CFAP99: variants seen among roughly 807,000 people sequenced by gnomAD.
CFAP99 encodes the protein cilia- and flagella-associated protein 99.
In CFAP99, 84 loss-of-function variants were observed where a neutral mutation model predicts 82.7. The observed-to-expected ratio is 1.02, with a 90% CI of 0.85 to 1.22. The LOEUF (loss-of-function observed/expected upper bound fraction) is 1.22. CFAP99 is among the 50% of genes most tolerant of loss of function. CFAP99 has a pLI of 0.00. For missense variants in CFAP99, 1,059 were observed against 983.5 expected (o/e 1.08, Z -1.03); for synonymous variants, 456 against 429.5 (o/e 1.06, Z -0.76).
chr4:2,430,794 C>T (rs1277975450), intron 2 of CFAP99, among the ~76,000 whole-genome samples: 1 of 152,132 alleles, frequency 6.6e-6, no homozygotes, highest in Non-Finnish European at 1.5e-5. Context: ...AAAAATGAGC[C>T]AGGCATGGTG....
Position 2,462,767 on chromosome 4 carries a change from T to TG in CFAP99, c.1991dup (p.Val665ArgfsTer?), listed in dbSNP as rs1432295052. The TG allele has an allele frequency of 1.6e-6, 2 of 1,253,486 alleles. No homozygotes were observed. Among genetic ancestry groups the TG allele is most frequent in the South Asian group, 5.3e-5 (2 of 37,930 alleles). 77.6% of individuals were successfully genotyped at this position (1,253,486 alleles called of 1,614,324 possible). A position where few individuals can be genotyped will look rare whatever the true frequency, so the allele number is the denominator to read the frequency against. Reference sequence around the variant, plus strand: ...ACGCAGCGGCGGGCGCGGGAGGCGGTGGGGGCGTCCCTGCCCGCGCCGACG... The same window carrying TG: ...ACGCAGCGGCGGGCGCGGGAGGCGGTGGGGGGCGTCCCTGCCCGCGCCGACG... On this transcript the variant is annotated frameshift_variant, in exon 15 of 15. Transcript: ENST00000635017. LOFTEE classifies it low-confidence loss of function (END_TRUNC). The surrounding 1 kb of genome is among the most constrained non-coding windows in gnomAD (Gnocchi z 4.1).
intron 4 of CFAP99, among the ~76,000 whole-genome samples, chr4:2,442,126 G>T (rs1734056061): frequency 6.6e-6 from 1 of 152,184 alleles, no homozygotes; most frequent in Non-Finnish European, 1.5e-5. Flanking sequence ...GAGCACCCCA[G>T]CTGAGACGCT....
intron 1 of CFAP99, 91 bp from the exon 2 acceptor site, chr4:2,426,368 C>T: frequency 2.5e-6 from 2 of 803,214 alleles, no homozygotes; most frequent in Non-Finnish European, 4.1e-6. Context: ...GCTACAGGCC[C>T]AACACCCTGG....
In CFAP99 at chr4:2,458,828, G is replaced by A. The variant is rs1412284837; in HGVS notation, c.1267G>A (p.Ala423Thr). ...AGAGGGGCAGAAGAACGCCAAGGCG[G>A]CCCAGACGAAGCTCGCGAAGGGCCG... The change falls in exon 12 of 15, where the codon GCC (alanine) becomes ACC (threonine). Residue 423 changes from alanine to threonine, a missense_variant. Transcript: ENST00000635017. 1.0e-5 allele frequency: 16 copies of A among 1,535,830 alleles called. No individual in the cohort carries two copies. The highest frequency in any genetic ancestry group is 1.4e-5 in the Non-Finnish European group (16 of 1,146,840).
chr4:2,421,350 C>CTTTTTTTTTT (rs10632358), intron 1 of CFAP99, among the ~76,000 whole-genome samples: 16 of 96,978 alleles, frequency 1.6e-4, no homozygotes, highest in East Asian at 3.8e-4. Flanking sequence ...TCTGCCCACC[C>CTTTTTTTTTT]TTTTTTTTTT....
intron 6 of CFAP99, among the ~76,000 whole-genome samples, chr4:2,447,929 GTGGATGGATGGATGGATGGATGGATGGA>G (rs58535148): frequency 2.9e-5 from 4 of 139,860 alleles, no homozygotes; most frequent in South Asian, 4.8e-4. Flanking sequence ...GAATGGATGG[GTGGATGGATGGATGGATGGATGGATGGA>G]TGGATGGATG....
chr4:2,450,368 G>C (rs1390745383), intron 8 of CFAP99: 1 of 331,568 alleles, frequency 3.0e-6, no homozygotes, highest in African/African-American at 2.1e-5. Flanking sequence ...GACGACAGGA[G>C]AGACTGTGCC....
At chr4:2,451,239 CCA>C in intron 9 of CFAP99, 23 bp from the exon 10 acceptor site, 1 of 1,535,278 alleles carries the variant, frequency 6.5e-7, no homozygotes, top group South Asian at 1.2e-5. Context: ...CAAGCCCCCA[CCA>C]CAGCCAGTCC....
Position 2,462,833 on chromosome 4 carries a change from G to A in CFAP99, c.2052G>A (p.Trp684Ter). The A allele has an allele frequency of 7.2e-7, 1 of 1,384,990 alleles. No individual in the cohort carries two copies. Among genetic ancestry groups the A allele is most frequent in the Non-Finnish European group, 9.4e-7 (1 of 1,068,788 alleles). 85.8% of individuals were successfully genotyped at this position (1,384,990 alleles called of 1,614,324 possible). The change falls in exon 15 of 15, where the codon TGG becomes TGA. Residue 684 changes from tryptophan (W) to a stop codon, truncating the protein, a stop_gained. Transcript: ENST00000635017. LOFTEE classifies it low-confidence loss of function (END_TRUNC). This position sits in a 1 kb window ranked among gnomAD's most constrained non-coding sequence, Gnocchi z 4.1. ...AGGCGCAGCTAGAGGCGCAGCACTG[G>A]CTGGAGCTGGAGCGGAGCCGCGAGC...
chr4:2,427,259 C>G (rs757476554), intron 2 of CFAP99: 1 of 153,422 alleles, frequency 6.5e-6, no homozygotes, highest in East Asian at 1.9e-4. Flanking sequence ...CTGCCCCACT[C>G]AGGGGCCTCC....
chr4:2,450,167 C>A, intron 8 of CFAP99, 162 bp downstream of exon 8: 1 of 725,976 alleles, frequency 1.4e-6, no homozygotes, highest in Non-Finnish European at 2.3e-6. Context: ...GTGCCTTGAG[C>A]CCACTGCGAT....
Position 2,458,490 on chromosome 4 carries a change from C to T in CFAP99, c.1162-233C>T, listed in dbSNP as rs533285656. Among the ~76,000 whole-genome samples the T allele has an allele frequency of 1.2e-3, 182 of 152,208 alleles. 2 individuals are homozygous for T. The highest frequency in any genetic ancestry group is 0.01 in the Middle Eastern group (3 of 294). On this transcript the variant is annotated intron_variant, in intron 11 of 14. Transcript: ENST00000635017. The stretch of plus-strand genomic sequence containing the variant: ...GGGTGGCTTCAGATGCAGGAAGGTT[C>T]CCCCCAAGACCACACTGGGAGGAAG...
At chr4:2,454,581 C>CTTTTTTTTTTTTTGTTTTTTTTT (rs200727697) in intron 11 of CFAP99, among the ~76,000 whole-genome samples, 1 of 94,722 alleles carries the variant, frequency 1.1e-5, no homozygotes, top group Non-Finnish European at 2.1e-5. Flanking sequence ...TGTTTTTTTT[C>CTTTTTTTTTTTTTGTTTTTTTTT]TTTTTTTTTT....
intron 10 of CFAP99, among the ~76,000 whole-genome samples, 192 bp from the exon 11 acceptor site, chr4:2,451,950 G>A (rs765934692): frequency 9.2e-5 from 14 of 151,796 alleles, no homozygotes; most frequent in African/African-American, 3.4e-4. Context: ...ATGGGTGGAC[G>A]CACAGAAAGG....
chr4:2,457,788 A>AGGCTGGTGCTGT (rs1358299390), intron 11 of CFAP99, among the ~76,000 whole-genome samples: 1 of 151,668 alleles, frequency 6.6e-6, no homozygotes, highest in East Asian at 1.9e-4. Flanking sequence ...TTCCGTGCCG[A>AGGCTGGTGCTGT]GGCTGGTGCT....
chr4:2,448,980 G>A lies in CFAP99; in HGVS notation c.643-690G>A, dbSNP rs572812432. On this transcript the variant is annotated intron_variant, in intron 6 of 14. Coordinates refer to ENST00000635017, the Ensembl canonical transcript of CFAP99. The surrounding 1 kb of genome is among the most constrained non-coding windows in gnomAD (Gnocchi z 5.2). Reference sequence around the variant, plus strand: ...CATGGGTGAGGAATGGACAGCGGTCGTGGTCAGTGAGGCTGAGGGAGGGCT... The same window carrying A: ...CATGGGTGAGGAATGGACAGCGGTCATGGTCAGTGAGGCTGAGGGAGGGCT... Among the ~76,000 whole-genome samples the A allele has an allele frequency of 2.6e-5, 4 of 152,306 alleles. No individual in the cohort carries two copies. Among genetic ancestry groups the A allele is most frequent in the Non-Finnish European group, 4.4e-5 (3 of 68,020 alleles).
chr4:2,451,385 C>T, intron 10 of CFAP99, 33 bp downstream of exon 10: 1 of 1,527,706 alleles, frequency 6.5e-7, no homozygotes, highest in African/African-American at 1.4e-5. Flanking sequence ...ACCTGCCTTC[C>T]ACGGCATCAC....
chr4:2,423,344 A>C (rs945324185), intron 1 of CFAP99, among the ~76,000 whole-genome samples: 6 of 152,230 alleles, frequency 3.9e-5, no homozygotes, highest in Admixed American at 3.9e-4. Context: ...GGCTGAATTC[A>C]GAGAGAGCAG....
chr4:2,441,616 G>A (rs917733550), intron 4 of CFAP99, among the ~76,000 whole-genome samples: 1 of 152,194 alleles, frequency 6.6e-6, no homozygotes, highest in African/African-American at 2.4e-5. Flanking sequence ...AACTCAGAGA[G>A]CCTCTGGAGG....
Sources: gnomAD v4.1 joint callset for allele counts (sites outside exome capture counted in the v4.1 genomes callset) on GRCh38, gnomAD v4.1.1 for gene constraint, Gnocchi (gnomAD v3.1) non-coding constraint, MANE v1.5 for transcripts, NCBI Gene and HGNC (gene_info 2026-07-23, HGNC 2026-07-21) for gene names.